The following PCDHGB2 variants were observed in gnomAD, a reference collection of about 807,000 sequenced individuals.
PCDHGB2 encodes the protein protocadherin gamma-B2.
A neutral mutation model predicts 59.3 loss-of-function variants in PCDHGB2; 55 were observed. The ratio of observed to expected loss-of-function variants is 0.93; its 90% CI spans 0.75 to 1.16. The LOEUF (loss-of-function observed/expected upper bound fraction) is 1.16, where lower values mean the gene tolerates loss of function less well. Ranked by LOEUF, PCDHGB2 falls within the 50% of genes most tolerant of loss-of-function variation. The pLI is 0.00. For missense variants in PCDHGB2, 1,228 were observed against 1,198.5 expected, an observed-to-expected ratio of 1.02 and a Z score of -0.36; for synonymous variants, 516 against 512.0, an observed-to-expected ratio of 1.01 and a Z score of -0.11.
intron 1 of PCDHGB2, chr5:141,371,739 G>A (rs1356190228): frequency 6.2e-7 from 1 of 1,614,036 alleles, no homozygotes; most frequent in South Asian, 1.1e-5. Flanking sequence ...CAACGACAAC[G>A]TTCCCGTTTT....
At position 141,476,321 on chromosome 5, in the gene PCDHGB2, G is replaced by A; in HGVS notation, c.2422-18486G>A. 1 of 1,614,196 alleles carries A rather than the reference G, an allele frequency of 6.2e-7. No homozygotes were observed. The highest frequency in any genetic ancestry group is 1.3e-5 in the African/African-American group (1 of 75,054). ...CCTCTCAGCCCGCAGGTTCCGGGTG[G>A]TGTCTGGAGCTAGCCGAAGATTCTT... On this transcript the variant is annotated intron_variant, in intron 1 of 3. Coordinates refer to ENST00000522605, the MANE Select transcript of PCDHGB2 (RefSeq NM_018923.3). The surrounding 1 kb of genome is among the most constrained non-coding windows in gnomAD (Gnocchi z 7.6).
intron 1 of PCDHGB2, chr5:141,395,150 C>G: frequency 6.2e-7 from 1 of 1,614,162 alleles, no homozygotes; most frequent in Non-Finnish European, 8.5e-7. Flanking sequence ...CAGACATGCT[C>G]ATCAGTCAGG....
At chr5:141,385,006 G>A (rs762264055) in intron 1 of PCDHGB2, 10 of 1,613,972 alleles carry the variant, frequency 6.2e-6, no homozygotes, top group East Asian at 2.2e-5. Context: ...AGTCTCCTGC[G>A]TCTTCCTAGC....
intron 1 of PCDHGB2, among the ~76,000 whole-genome samples, chr5:141,464,885 G>T (rs1592925315): frequency 6.6e-6 from 1 of 152,020 alleles, no homozygotes; most frequent in East Asian, 1.9e-4. Flanking sequence ...ACTACAGATG[G>T]ATGCCACCAT....
In PCDHGB2 at chr5:141,362,014, C is replaced by G. The variant is rs748394772; in HGVS notation, c.1879C>G (p.Arg627Gly). The change falls in exon 1 of 4, where the codon CGC becomes GGC. Residue 627 changes from arginine to glycine, a missense_variant. Physicochemically the swap from Arg to Gly is moderately radical, Grantham distance 125. Around this residue, in one of 3 missense-constraint regions of PCDHGB2, gnomAD observed 433 missense variants for 441.8 expected, o/e 0.98. Transcript: ENST00000522605. ...CCTGGGGTTGCGCACGGGTGAGGTG[C>G]GCACAGCGCGTGCCTTGGGCGACAG... ...FSLGLRTGEV[R>G]TARALGDRDA... 3.1e-6 allele frequency: 5 copies of G among 1,605,936 alleles called. No individual in the cohort carries two copies. Among genetic ancestry groups the G allele is most frequent in the African/African-American group, 1.3e-5 (1 of 74,716 alleles).
rs926814527 is a variant in PCDHGB2 at position 141,388,113 on chromosome 5, G to A, written c.2421+25557G>A. 7 of 1,412,244 alleles carry A rather than the reference G, an allele frequency of 5.0e-6. No individual in the cohort carries two copies. Among genetic ancestry groups the A allele is most frequent in the African/African-American group, 4.3e-5 (3 of 69,434 alleles). 87.5% of individuals were successfully genotyped at this position (1,412,244 alleles called of 1,614,324 possible). On this transcript the variant is annotated intron_variant, in intron 1 of 3. Transcript: ENST00000522605. ...CAGTTCGGAGAAGCCTTACTTCACCGTGAGCGCAGAGAGCGGGGAGTTGCT... is the reference window on the plus strand; with the variant it reads ...CAGTTCGGAGAAGCCTTACTTCACCATGAGCGCAGAGAGCGGGGAGTTGCT...
rs1231863269 is a variant in PCDHGB2 at position 141,485,594 on chromosome 5, G to A, written c.2422-9213G>A. 1.9e-6 allele frequency: 3 copies of A among 1,612,578 alleles called. No individual in the cohort carries two copies. The highest frequency in any genetic ancestry group is 2.5e-6 in the Non-Finnish European group (3 of 1,178,798). On this transcript the variant is annotated intron_variant, in intron 1 of 3. Transcript: ENST00000522605. The surrounding 1 kb of genome is among the most constrained non-coding windows in gnomAD (Gnocchi z 5.7). ...TTTTCCGCGGCAGCAGCTGGACTTGGAAATTGGGGAGGCAGCTCCTCCAGG... is the reference window on the plus strand; with the variant it reads ...TTTTCCGCGGCAGCAGCTGGACTTGAAAATTGGGGAGGCAGCTCCTCCAGG...
intron 1 of PCDHGB2, chr5:141,375,887 G>T (rs1290311886): frequency 2.5e-6 from 4 of 1,613,656 alleles, no homozygotes; most frequent in South Asian, 1.1e-5. Context: ...GGGCCAGAAC[G>T]CCTGGCTGTC....
At chr5:141,371,032 C>T (rs547337082) in intron 1 of PCDHGB2, 1 of 1,614,002 alleles carries the variant, frequency 6.2e-7, no homozygotes, top group Admixed American at 1.7e-5. Context: ...CTGGTCCTCA[C>T]AGCTGTGGAT....
At chr5:141,438,591 C>CATACATAT (rs1228520343) in intron 1 of PCDHGB2, among the ~76,000 whole-genome samples, 2 of 75,562 alleles carry the variant, frequency 2.6e-5, no homozygotes, top group African/African-American at 4.5e-5. Context: ...TACATACATA[C>CATACATAT]ATATATATAT....
chr5:141,363,505 C>T (rs1762954025), intron 1 of PCDHGB2, among the ~76,000 whole-genome samples: 1 of 152,194 alleles, frequency 6.6e-6, no homozygotes, highest in Non-Finnish European at 1.5e-5. Flanking sequence ...AAACCCCATC[C>T]TCCACAGTTA....
At chr5:141,497,464 T>C (rs1277760390) in intron 2 of PCDHGB2, among the ~76,000 whole-genome samples, 1 of 151,764 alleles carries the variant, frequency 6.6e-6, no homozygotes, top group Admixed American at 6.6e-5. Context: ...CTTGGAGATA[T>C]GGAGGAGAAG....
In PCDHGB2 at chr5:141,418,521, C is replaced by G. The variant is rs1246716171; in HGVS notation, c.2421+55965C>G. The G allele has an allele frequency of 3.7e-6, 6 of 1,613,840 alleles. No individual in the cohort carries two copies. The Admixed American group carries it at 1.0e-4, about 27-fold the overall frequency. On this transcript the variant is annotated intron_variant, in intron 1 of 3. Coordinates refer to ENST00000522605, the MANE Select transcript of PCDHGB2 (RefSeq NM_018923.3). ...ACCGCCTTAGATGGTGGGGACCCTC[C>G]CCGAAGCGGTACTGCTCAGATAAGA...
chr5:141,389,863 TG>T, intron 1 of PCDHGB2: 2 of 1,614,064 alleles, frequency 1.2e-6, no homozygotes, highest in Non-Finnish European at 1.7e-6. Context: ...ACGTTGCACC[TG>T]GTCTTCGCCG....
At position 141,487,270 on chromosome 5, in the gene PCDHGB2, A is replaced by T. The variant is rs777469322; in HGVS notation, c.2422-7537A>T. 6.2e-7 allele frequency: 1 copy of T among 1,614,046 alleles called. No homozygotes were observed. Among genetic ancestry groups the T allele is most frequent in the South Asian group, 1.1e-5 (1 of 91,076 alleles). On this transcript the variant is annotated intron_variant, in intron 1 of 3. Transcript: ENST00000522605. The surrounding 1 kb of genome is among the most constrained non-coding windows in gnomAD (Gnocchi z 5.0). ...TCTACTTGGCTGTGTCCCTAGTGGC[A>T]ATTTGCTTTGTCTCCTTTGGCTCAT... is the stretch of plus-strand genomic sequence containing the variant.
At chr5:141,383,846 A>C (rs745543311) in intron 1 of PCDHGB2, 1 of 1,613,960 alleles carries the variant, frequency 6.2e-7, no homozygotes, top group Admixed American at 1.7e-5. Context: ...GCCTTCTATG[A>C]AATGGAGGTT....
intron 1 of PCDHGB2, chr5:141,384,773 A>C (rs775593747): frequency 6.2e-6 from 10 of 1,613,726 alleles, no homozygotes; most frequent in Middle Eastern, 1.6e-4. Flanking sequence ...TACACGGGCG[A>C]GGTGCGCACG....
Position 141,431,999 on chromosome 5 carries a change from C to G in PCDHGB2, c.2422-62808C>G. The G allele has an allele frequency of 6.2e-7, 1 of 1,614,158 alleles. No homozygotes were observed. The highest frequency in any genetic ancestry group is 1.1e-5 in the South Asian group (1 of 91,086). On this transcript the variant is annotated intron_variant, in intron 1 of 3. Transcript: ENST00000522605. This position sits in a 1 kb window ranked among gnomAD's most constrained non-coding sequence, Gnocchi z 4.8. ...CACAGACATAGTCTTGGATAGGGAA[C>G]AGGTTCCTAGCTACAACATCACAGT... is the stretch of plus-strand genomic sequence containing the variant.
At chr5:141,380,404 C>T (rs972826552) in intron 1 of PCDHGB2, among the ~76,000 whole-genome samples, 3 of 152,146 alleles carry the variant, frequency 2.0e-5, no homozygotes, top group Middle Eastern at 6.3e-3. Flanking sequence ...ATAATCAATT[C>T]GATGCCCAGG....
Sources: gnomAD v4.1 joint callset for allele counts (sites outside exome capture counted in the v4.1 genomes callset) on GRCh38, gnomAD v4.1.1 for gene constraint, gnomAD v4.1.1 regional missense constraint, Gnocchi (gnomAD v3.1) non-coding constraint, MANE v1.5 for transcripts, NCBI Gene and HGNC (gene_info 2026-07-23, HGNC 2026-07-21) for gene names.